Variants in AK5 observed in about 807,000 individuals in gnomAD.
The protein encoded by AK5 is adenylate kinase isoenzyme 5.
In AK5, 27 loss-of-function variants were observed where a neutral mutation model predicts 69.5. That is an observed-to-expected ratio of 0.39 (90% CI 0.29 to 0.54). The LOEUF (loss-of-function observed/expected upper bound fraction) is 0.54. Among genes scored for constraint, AK5 ranks in the 20% least tolerant of loss-of-function variants. AK5 has a pLI of 0.71. For synonymous variants in AK5, 260 were observed against 244.4 expected (o/e 1.06, Z -0.60); for missense variants, 531 against 700.4 (o/e 0.76, Z 2.73).
intron 8 of AK5, among the ~76,000 whole-genome samples, chr1:77,448,033 G>C (rs1652861170): frequency 6.6e-6 from 1 of 152,226 alleles, no homozygotes; most frequent in African/African-American, 2.4e-5. Context: ...GCATGGAAGG[G>C]AGGCTGACAG....
chr1:77,515,640 G>A (rs1657601430), intron 10 of AK5, among the ~76,000 whole-genome samples: 1 of 152,184 alleles, frequency 6.6e-6, no homozygotes, highest in African/African-American at 2.4e-5. Context: ...GGAGCACCCG[G>A]CGCTGTTTAC....
intron 6 of AK5, among the ~76,000 whole-genome samples, chr1:77,406,333 A>T (rs1038829167): frequency 6.6e-6 from 1 of 151,898 alleles, no homozygotes; most frequent in African/African-American, 2.4e-5. Flanking sequence ...ACGGTGCAGG[A>T]AAAAGGAAAC....
rs1335846064 is a variant in AK5, at chr1:77,506,850, T to C, written c.1148-11714T>C. ...CCCATCCCTACTAAAAATACAAAAA[T>C]TAGTTGGGCGTGGTGGCACAAGCCT... is the stretch of plus-strand genomic sequence containing the variant. On this transcript the variant is annotated intron_variant, in intron 10 of 13. Transcript: ENST00000354567. Among the ~76,000 whole-genome samples, 2 of 151,908 alleles carry C rather than the reference T, an allele frequency of 1.3e-5. 1 individual carries two copies. The highest frequency in any genetic ancestry group is 4.1e-4 in the South Asian group (2 of 4,832).
At chr1:77,387,169 T>A (rs541281468) in intron 6 of AK5, among the ~76,000 whole-genome samples, 1 of 152,342 alleles carries the variant, frequency 6.6e-6, no homozygotes, top group East Asian at 1.9e-4. Flanking sequence ...GAGCAAGATA[T>A]AGGCAAGATC....
chr1:77,293,227 A>G (rs955139663), intron 2 of AK5, among the ~76,000 whole-genome samples: 1 of 152,156 alleles, frequency 6.6e-6, no homozygotes, highest in South Asian at 2.1e-4. Context: ...AAGCCATTCC[A>G]TTGGACCACA....
chr1:77,376,451 C>CAAAAAAAAAAAAAAAAAAAAAAA (rs762576175), intron 6 of AK5, among the ~76,000 whole-genome samples: 1 of 41,054 alleles, frequency 2.4e-5, no homozygotes, highest in Non-Finnish European at 4.7e-5. Context: ...AAAAAAAAAA[C>CAAAAAAAAAAAAAAAAAAAAAAA]AAAAAAAAAA....
intron 8 of AK5, among the ~76,000 whole-genome samples, chr1:77,438,813 C>T (rs1287482024): frequency 1.3e-5 from 2 of 152,120 alleles, no homozygotes; most frequent in Non-Finnish European, 2.9e-5. Context: ...AACCAGAGTA[C>T]TCGAACCAGA....
At chr1:77,502,400 CA>C (rs1656768312) in intron 10 of AK5, among the ~76,000 whole-genome samples, 1 of 152,184 alleles carries the variant, frequency 6.6e-6, no homozygotes, top group Non-Finnish European at 1.5e-5. Context: ...CTGGAAGTTG[CA>C]TTCACCAGTT....
At chr1:77,292,467 A>G (rs112049020) in intron 2 of AK5, among the ~76,000 whole-genome samples, 1 of 152,174 alleles carries the variant, frequency 6.6e-6, no homozygotes. Flanking sequence ...TGCCATGCTA[A>G]GATACAGTAG....
At chr1:77,479,165 G>C (rs550888990) in intron 8 of AK5, among the ~76,000 whole-genome samples, 1 of 147,850 alleles carries the variant, frequency 6.8e-6, no homozygotes, top group Admixed American at 6.7e-5. Context: ...CCAATCTATA[G>C]CATCAAAATG....
intron 5 of AK5, among the ~76,000 whole-genome samples, chr1:77,323,672 T>A (rs1660645818): frequency 6.6e-6 from 1 of 152,214 alleles, no homozygotes; most frequent in African/African-American, 2.4e-5. Context: ...AATTTAATAA[T>A]AAGCCTTTTG....
At chr1:77,477,914 C>T (rs76681164) in intron 8 of AK5, among the ~76,000 whole-genome samples, 1 of 152,170 alleles carries the variant, frequency 6.6e-6, no homozygotes, top group South Asian at 2.1e-4. Context: ...CTTCTTTCTC[C>T]TTCTCAGGAG....
At chr1:77,344,552 G>A (rs1046647242) in intron 6 of AK5, among the ~76,000 whole-genome samples, 3 of 152,120 alleles carry the variant, frequency 2.0e-5, no homozygotes, top group African/African-American at 4.8e-5. Context: ...TGAGTAAGCT[G>A]TGTCTCTTGA....
intron 13 of AK5, among the ~76,000 whole-genome samples, chr1:77,557,903 A>G (rs1161130371): frequency 1.2e-5 from 1 of 86,354 alleles, no homozygotes; most frequent in Non-Finnish European, 2.3e-5. Context: ...CCCACCCCCC[A>G]CCGCCCTCTG....
intron 8 of AK5, among the ~76,000 whole-genome samples, chr1:77,465,532 G>C (rs1159088747): frequency 6.6e-6 from 1 of 152,186 alleles, no homozygotes; most frequent in Non-Finnish European, 1.5e-5. Context: ...TTATTCACCT[G>C]CTGCATACTG....
rs367845412 is a variant in AK5 at position 77,454,136 on chromosome 1, G to A, written c.1060-29181G>A. Among the ~76,000 whole-genome samples, 3 of 152,286 alleles carry A rather than the reference G, an allele frequency of 2.0e-5. No individual in the cohort carries two copies. The South Asian group carries it at 6.2e-4, about 32-fold the overall frequency. ...CTACGGCATCCATGCTGCTGTGACC[G>A]GATGGACCACAGGACAGTTGAGACC... On this transcript the variant is annotated intron_variant, in intron 8 of 13. Transcript: ENST00000354567.
At chr1:77,296,697 A>C (rs1659024576) in intron 3 of AK5, among the ~76,000 whole-genome samples, 1 of 152,200 alleles carries the variant, frequency 6.6e-6, no homozygotes, top group Non-Finnish European at 1.5e-5. Flanking sequence ...ATTTCAAGCC[A>C]ATTCATGATT....
chr1:77,490,644 G>A (rs1469777659), intron 10 of AK5, among the ~76,000 whole-genome samples: 1 of 152,138 alleles, frequency 6.6e-6, no homozygotes, highest in Non-Finnish European at 1.5e-5. Flanking sequence ...TGATATACAA[G>A]ACAGGAGCTC....
chr1:77,320,177 C>T (rs61784658), intron 5 of AK5, among the ~76,000 whole-genome samples: 13,675 of 152,160 alleles, frequency 0.09, 677 homozygotes, highest in Middle Eastern at 0.11. Flanking sequence ...CATCGGGTCT[C>T]ATGAGAACTC....
Sources: allele counts gnomAD v4.1 joint callset (sites outside exome capture counted in the v4.1 genomes callset), GRCh38; gene constraint gnomAD v4.1.1; transcripts MANE v1.5; gene names NCBI Gene and HGNC (gene_info 2026-07-23, HGNC 2026-07-21).